Variants in TENM2 observed in about 807,000 individuals in gnomAD.
The protein encoded by TENM2 is teneurin transmembrane protein 2.
Under a neutral mutation model 245.2 loss-of-function variants are expected in TENM2, and 52 were observed. That is an observed-to-expected ratio of 0.21 (90% CI 0.17 to 0.27). The LOEUF is 0.27. TENM2 is among the 10% of genes least tolerant of loss of function. TENM2 has a pLI of 1.00. For missense variants in TENM2, 3,046 were observed against 3,666.8 expected (o/e 0.83, Z 4.37); for synonymous variants, 1,363 against 1,438.9 (o/e 0.95, Z 1.19).
intron 3 of TENM2, among the ~76,000 whole-genome samples, chr5:167,892,861 G>C (rs537273763): frequency 1.2e-3 from 190 of 152,232 alleles, no homozygotes; most frequent in African/African-American, 4.5e-3. Context: ...TCAAGATAAT[G>C]TGTGGAAAAA....
chr5:168,184,088 G>A (rs1016567347), intron 13 of TENM2, among the ~76,000 whole-genome samples: 2 of 152,112 alleles, frequency 1.3e-5, no homozygotes, highest in African/African-American at 4.8e-5. Flanking sequence ...TCCTCATCAA[G>A]GTAACTACAA....
At chr5:167,129,824 T>G in the TENM2 span, among the ~76,000 whole-genome samples, 1 of 152,096 alleles carries the variant, frequency 6.6e-6, no homozygotes, top group Non-Finnish European at 1.5e-5. Context: ...AAGAAAAAAA[T>G]GACCACTCCC....
chr5:168,023,509 G>A (rs1786342776), intron 5 of TENM2, among the ~76,000 whole-genome samples: 1 of 152,178 alleles, frequency 6.6e-6, no homozygotes, highest in Non-Finnish European at 1.5e-5. Flanking sequence ...GGCCTGCCCA[G>A]GCGGGGATGC....
chr5:167,872,532 G>GAA (rs1222189502), intron 2 of TENM2, among the ~76,000 whole-genome samples: 125 of 51,064 alleles, frequency 2.4e-3, no homozygotes, highest in African/African-American at 6.1e-3. Flanking sequence ...AAGAAAGAAA[G>GAA]AAAGAAAGAA....
chr5:168,159,591 G>A (rs1757558671), intron 12 of TENM2, among the ~76,000 whole-genome samples: 1 of 152,234 alleles, frequency 6.6e-6, no homozygotes, highest in African/African-American at 2.4e-5. Context: ...AAGGCCACCA[G>A]TAGAATGAAC....
intron 4 of TENM2, among the ~76,000 whole-genome samples, chr5:167,975,941 T>C (rs1782409270): frequency 6.6e-6 from 1 of 152,166 alleles, no homozygotes; most frequent in Non-Finnish European, 1.5e-5. Context: ...GCAGCTTTCT[T>C]TTTCTTTTGT....
At chr5:168,043,154 A>G (rs1788341976) in intron 5 of TENM2, among the ~76,000 whole-genome samples, 1 of 152,164 alleles carries the variant, frequency 6.6e-6, no homozygotes, top group Admixed American at 6.5e-5. Context: ...CAGTGCATCC[A>G]GGATCTCTTG....
chr5:167,057,189 T>C, the TENM2 span, among the ~76,000 whole-genome samples: 1 of 152,270 alleles, frequency 6.6e-6, no homozygotes, highest in East Asian at 1.9e-4. Context: ...TTTTAATTTT[T>C]TTCCTGAAAT....
chr5:167,350,597 TGG>T (rs1758781777), intron 1 of TENM2, among the ~76,000 whole-genome samples: 1 of 145,860 alleles, frequency 6.9e-6, no homozygotes, highest in Non-Finnish European at 1.5e-5. Context: ...TATATATATA[TGG>T]ATATATATAT....
chr5:168,137,657 A>G (rs1413359359), intron 12 of TENM2, among the ~76,000 whole-genome samples: 2 of 152,212 alleles, frequency 1.3e-5, no homozygotes, highest in African/African-American at 2.4e-5. Flanking sequence ...GAAAGCCTAA[A>G]TGTCACTGAT....
intron 2 of TENM2, among the ~76,000 whole-genome samples, chr5:167,872,509 AAAGAAAGAAAGAAAGAAAG>A (rs1561881126): frequency 9.2e-5 from 1 of 10,928 alleles, no homozygotes; most frequent in African/African-American, 2.0e-4. Context: ...AGAAAGAAAG[AAAGAAAGAAAGAAAGAAAG>A]AAAGAAAGAA....
chr5:167,945,662 A>C (rs532325973), intron 3 of TENM2, among the ~76,000 whole-genome samples: 20 of 152,304 alleles, frequency 1.3e-4, no homozygotes, highest in East Asian at 9.6e-4. Context: ...TCCGCTATGC[A>C]GTGTTGATCT....
the TENM2 span, among the ~76,000 whole-genome samples, chr5:167,279,060 G>A: frequency 6.6e-6 from 1 of 152,146 alleles, no homozygotes; most frequent in Non-Finnish European, 1.5e-5. Flanking sequence ...TAGGATTGTA[G>A]TTTGAAGATT....
intron 1 of TENM2, among the ~76,000 whole-genome samples, chr5:167,293,665 C>T (rs193247161): frequency 2.0e-4 from 31 of 152,216 alleles, no homozygotes; most frequent in African/African-American, 6.5e-4. Flanking sequence ...GAAAGGTCAA[C>T]GCTTGCAAAT....
At chr5:167,524,177 G>A (rs1315411565) in intron 2 of TENM2, among the ~76,000 whole-genome samples, 1 of 152,158 alleles carries the variant, frequency 6.6e-6, no homozygotes, top group Non-Finnish European at 1.5e-5. Context: ...ATTATTGGCT[G>A]ATAAACTGTG....
At chr5:167,530,918 G>C (rs1258109080) in intron 2 of TENM2, among the ~76,000 whole-genome samples, 1 of 152,194 alleles carries the variant, frequency 6.6e-6, no homozygotes, top group Non-Finnish European at 1.5e-5. Flanking sequence ...TAACTCTTCC[G>C]TCTGAGTGGA....
intron 25 of TENM2, among the ~76,000 whole-genome samples, chr5:168,228,886 T>G (rs1292993062): frequency 4.1e-5 from 6 of 147,936 alleles, no homozygotes; most frequent in Admixed American, 6.8e-5. Context: ...ATAATGTAAT[T>G]TTATATTACA....
chr5:168,198,995 T>C, exon 16 of TENM2: 1 of 1,614,022 alleles, frequency 6.2e-7, no homozygotes, highest in Non-Finnish European at 8.5e-7. Context: ...CGAGGAGAAC[T>C]CCATCCCCAG....
At chr5:167,125,482 C>G in the TENM2 span, among the ~76,000 whole-genome samples, 1 of 152,184 alleles carries the variant, frequency 6.6e-6, no homozygotes, top group Non-Finnish European at 1.5e-5. Context: ...AGAGGAGACC[C>G]TGAATCTGTT....
Sources: gnomAD v4.1 joint callset for allele counts (sites outside exome capture counted in the v4.1 genomes callset) on GRCh38, gnomAD v4.1.1 for gene constraint, MANE v1.5 for transcripts, NCBI Gene and HGNC (gene_info 2026-07-23, HGNC 2026-07-21) for gene names.